The following NPSR1 variants were observed in gnomAD, a reference collection of about 807,000 sequenced individuals.
The protein encoded by NPSR1 is neuropeptide S receptor 1, also known as neuropeptide S receptor.
In NPSR1, 48 loss-of-function variants were observed where a neutral mutation model predicts 46.9. The observed-to-expected ratio is 1.02, with a 90% CI of 0.81 to 1.30. The LOEUF is 1.30. NPSR1 is among the 50% of genes most tolerant of loss of function. The probability of loss-of-function intolerance (pLI) is 0.00; values close to 1 mark genes in which losing one functional copy is unlikely to be tolerated. For missense variants in NPSR1, 450 were observed against 449.5 expected, an observed-to-expected ratio of 1.00 and a Z score of -0.01; for synonymous variants, 176 against 168.1, an observed-to-expected ratio of 1.05 and a Z score of -0.36.
At chr7:34,677,822 C>T (rs942663976) in intron 1 of NPSR1, among the ~76,000 whole-genome samples, 10 of 152,142 alleles carry the variant, frequency 6.6e-5, no homozygotes, top group African/African-American at 2.4e-4. Context: ...TGCTGCAGAC[C>T]TCACAAAAAA....
At chr7:34,700,614 A>C (rs1489503762) in intron 2 of NPSR1, among the ~76,000 whole-genome samples, 1 of 152,238 alleles carries the variant, frequency 6.6e-6, no homozygotes, top group Non-Finnish European at 1.5e-5. Context: ...ATAAAATAAT[A>C]TACTAAATCA....
At chr7:34,727,171 C>A (rs1444376179) in intron 2 of NPSR1, among the ~76,000 whole-genome samples, 1 of 152,006 alleles carries the variant, frequency 6.6e-6, no homozygotes, top group Non-Finnish European at 1.5e-5. Context: ...GAACTTAAAA[C>A]TGCTCTGAAA....
At chr7:34,835,524 A>T (rs1253633016) in intron 6 of NPSR1, among the ~76,000 whole-genome samples, 1 of 152,228 alleles carries the variant, frequency 6.6e-6, no homozygotes, top group Non-Finnish European at 1.5e-5. Context: ...ACTGTGAGCT[A>T]AACTTTTGTT....
At chr7:34,759,814 G>A (rs1786071370) in intron 2 of NPSR1, among the ~76,000 whole-genome samples, 1 of 152,342 alleles carries the variant, frequency 6.6e-6, no homozygotes, top group African/African-American at 2.4e-5. Flanking sequence ...GACTGGGGCA[G>A]CAGGGGTTAC....
At chr7:34,770,189 G>C (rs1786612311) in intron 2 of NPSR1, among the ~76,000 whole-genome samples, 1 of 152,060 alleles carries the variant, frequency 6.6e-6, no homozygotes, top group African/African-American at 2.4e-5. Context: ...TAAAATTAAG[G>C]AATCAGTAAG....
intron 1 of NPSR1, chr7:34,660,134 C>T (rs1422134654): frequency 2.2e-6 from 1 of 456,660 alleles, no homozygotes; most frequent in East Asian, 6.9e-5. Flanking sequence ...AACATCATCG[C>T]CAGACACTAA....
intron 1 of NPSR1, among the ~76,000 whole-genome samples, chr7:34,665,821 C>G (rs1274035225): frequency 6.6e-6 from 1 of 152,024 alleles, no homozygotes; most frequent in Non-Finnish European, 1.5e-5. Context: ...TACACACACA[C>G]CCATGAGCAC....
At chr7:34,715,907 A>G (rs1013506671) in intron 2 of NPSR1, among the ~76,000 whole-genome samples, 1 of 152,192 alleles carries the variant, frequency 6.6e-6, no homozygotes, top group African/African-American at 2.4e-5. Context: ...GGAGGTAGTT[A>G]GCAGATGGAG....
rs112197701 is a variant in NPSR1, at chr7:34,773,424, C to T, written c.281-5038C>T. ...GATCACATACTATGTTGTGGGATTT[C>T]CATTCTTGTTTGGTAATCTAAAAGC... On this transcript the variant is annotated intron_variant, in intron 2 of 8. Coordinates refer to ENST00000360581, the MANE Select transcript of NPSR1 (RefSeq NM_207172.2). Among the ~76,000 whole-genome samples, 99 of 152,254 alleles carry T rather than the reference C, an allele frequency of 6.5e-4. 1 individual carries two copies. Among genetic ancestry groups the T allele is most frequent in the African/African-American group, 2.3e-3 (95 of 41,564 alleles).
At chr7:34,771,791 T>C (rs1051366442) in intron 2 of NPSR1, among the ~76,000 whole-genome samples, 2 of 152,230 alleles carry the variant, frequency 1.3e-5, no homozygotes, top group African/African-American at 4.8e-5. Flanking sequence ...TCTTATTTTG[T>C]TCATCTATAA....
At chr7:34,734,438 T>C (rs187904118) in intron 2 of NPSR1, among the ~76,000 whole-genome samples, 1 of 152,004 alleles carries the variant, frequency 6.6e-6, no homozygotes, top group Non-Finnish European at 1.5e-5. Context: ...CTTCCAGATA[T>C]GTGTCTTGAA....
At chr7:34,814,509 G>A (rs1053244317) in intron 4 of NPSR1, among the ~76,000 whole-genome samples, 5 of 152,230 alleles carry the variant, frequency 3.3e-5, no homozygotes, top group East Asian at 3.9e-4. Flanking sequence ...AGACTTAAAC[G>A]TCCCTGTTCG....
intron 3 of NPSR1, among the ~76,000 whole-genome samples, chr7:34,799,652 C>T (rs1400058036): frequency 6.8e-6 from 1 of 148,146 alleles, no homozygotes; most frequent in Non-Finnish European, 1.5e-5. Context: ...GAAGAAACTG[C>T]ATCAACTAAC....
chr7:34,818,604 T>C (rs1332625947), intron 4 of NPSR1, among the ~76,000 whole-genome samples: 1 of 152,204 alleles, frequency 6.6e-6, no homozygotes, highest in East Asian at 1.9e-4. Flanking sequence ...AGAGCCTGCA[T>C]TGCCAAGACA....
intron 3 of NPSR1, among the ~76,000 whole-genome samples, chr7:34,784,666 C>T (rs1042320026): frequency 4.6e-5 from 7 of 152,064 alleles, no homozygotes; most frequent in Admixed American, 2.0e-4. Flanking sequence ...TGTGTCTCTG[C>T]CAGGCTTTGG....
At chr7:34,750,452 TTGTC>T (rs1345408082) in intron 2 of NPSR1, 1 of 740,066 alleles carries the variant, frequency 1.4e-6, no homozygotes. Context: ...GACGAAGTCA[TTGTC>T]TGAGGCTGCA....
At chr7:34,779,661 T>C (rs1259016480) in intron 3 of NPSR1, 1 of 936,028 alleles carries the variant, frequency 1.1e-6, no homozygotes, top group Non-Finnish European at 1.4e-6. Context: ...TTTTCTATTA[T>C]GTACGGCTAG....
chr7:34,683,446 C>CAAAAA (rs34732541), intron 1 of NPSR1, among the ~76,000 whole-genome samples: 48 of 113,214 alleles, frequency 4.2e-4, no homozygotes, highest in African/African-American at 1.5e-3. Flanking sequence ...GACTCTGTCA[C>CAAAAA]AAAAAAAAAA....
chr7:34,876,738 A>G (rs1791584074), intron 8 of NPSR1, among the ~76,000 whole-genome samples: 1 of 152,236 alleles, frequency 6.6e-6, no homozygotes, highest in Non-Finnish European at 1.5e-5. Flanking sequence ...ACCTAGGCTG[A>G]TATCTCTTGA....
Sources: gnomAD v4.1 joint callset for allele counts (sites outside exome capture counted in the v4.1 genomes callset) on GRCh38, gnomAD v4.1.1 for gene constraint, MANE v1.5 for transcripts, NCBI Gene and HGNC (gene_info 2026-07-23, HGNC 2026-07-21) for gene names.